CDC42BPB: variants seen among roughly 807,000 people sequenced by gnomAD.
CDC42BPB encodes CDC42 binding protein kinase beta.
Under a neutral mutation model 214.9 loss-of-function variants are expected in CDC42BPB, and 37 were observed. The ratio of observed to expected loss-of-function variants is 0.17; its 90% CI spans 0.13 to 0.23. CDC42BPB has a LOEUF of 0.23. Ranked by LOEUF, CDC42BPB falls within the 10% of genes least tolerant of loss-of-function variation. The pLI is 1.00. For synonymous variants in CDC42BPB, 931 were observed against 884.0 expected (o/e 1.05, Z -0.94); for missense variants, 1,694 against 2,227.0 (o/e 0.76, Z 4.82).
intron 1 of CDC42BPB, among the ~76,000 whole-genome samples, chr14:103,040,183 T>C (rs1213832332): frequency 6.6e-6 from 1 of 152,072 alleles, no homozygotes; most frequent in East Asian, 2.0e-4. Flanking sequence ...GGTGAAACCC[T>C]GTCTGTACTA....
chr14:102,944,492 G>A lies in CDC42BPB; in HGVS notation c.3812-5C>T. The A allele has an allele frequency of 6.2e-7, 1 of 1,607,964 alleles. No individual in the cohort carries two copies. The highest frequency in any genetic ancestry group is 8.5e-7 in the Non-Finnish European group (1 of 1,176,458). On this transcript the variant is annotated splice_region_variant and splice_polypyrimidine_tract_variant and intron_variant, in intron 29 of 36. Coordinates refer to ENST00000361246, the MANE Select transcript of CDC42BPB (RefSeq NM_006035.4). This position sits in a 1 kb window ranked among gnomAD's most constrained non-coding sequence, Gnocchi z 6.6. Reference sequence around the variant, plus strand: ...AGTCAGCGGCACGGACGATCACTGTGGCAAGGAGGACAAGAGCGTGAGGCC... The same window carrying A: ...AGTCAGCGGCACGGACGATCACTGTAGCAAGGAGGACAAGAGCGTGAGGCC...
At chr14:103,019,557 C>T (rs1280024961) in intron 1 of CDC42BPB, among the ~76,000 whole-genome samples, 2 of 152,218 alleles carry the variant, frequency 1.3e-5, no homozygotes, top group Non-Finnish European at 2.9e-5. Context: ...AGCACAGCTG[C>T]CTGTGTCTAT....
intron 1 of CDC42BPB, among the ~76,000 whole-genome samples, chr14:103,049,556 C>T (rs1450831961): frequency 1.3e-5 from 2 of 152,188 alleles, no homozygotes; most frequent in African/African-American, 2.4e-5. Flanking sequence ...AGTTGGAGCG[C>T]GGAGCAAGCG....
intron 18 of CDC42BPB, 29 bp downstream of exon 18, chr14:102,966,253 T>C (rs780373316): frequency 7.5e-6 from 11 of 1,474,666 alleles, no homozygotes; most frequent in East Asian, 2.3e-5. Flanking sequence ...TATTCAGTAA[T>C]AGAAATGCAG....
chr14:102,962,980 T>G (rs1435206255), intron 20 of CDC42BPB, 81 bp downstream of exon 20: 2 of 703,494 alleles, frequency 2.8e-6, no homozygotes, highest in Admixed American at 2.6e-5. Flanking sequence ...AAAGTAACTA[T>G]TAAGTCGAAA....
chr14:102,971,648 A>G (rs1893478345), intron 13 of CDC42BPB, among the ~76,000 whole-genome samples: 1 of 152,240 alleles, frequency 6.6e-6, no homozygotes, highest in African/African-American at 2.4e-5. Context: ...TCTTATTCAC[A>G]TAAGCCAGGC....
At chr14:102,957,024 CAAAAAAAAA>C (rs1183767118) in intron 21 of CDC42BPB, among the ~76,000 whole-genome samples, 4 of 48,190 alleles carry the variant, frequency 8.3e-5, no homozygotes, top group East Asian at 6.9e-4. Context: ...ACTAAAAATA[CAAAAAAAAA>C]AAAAAAAAAA....
At chr14:102,973,212 G>C (rs1214172145) in intron 12 of CDC42BPB, among the ~76,000 whole-genome samples, 2 of 152,212 alleles carry the variant, frequency 1.3e-5, no homozygotes, top group Non-Finnish European at 2.9e-5. Context: ...CAAGCAATGA[G>C]ATGCCATGTG....
chr14:102,944,570 C>T lies in CDC42BPB; in HGVS notation c.3812-83G>A. ...CTGACGGCCTTGGCTAAAGACTTGCCTGGAACACTCTGGGGCCCTCCCCTG... is the reference window on the plus strand; with the variant it reads ...CTGACGGCCTTGGCTAAAGACTTGCTTGGAACACTCTGGGGCCCTCCCCTG... On this transcript the variant is annotated intron_variant, in intron 29 of 36. Transcript: ENST00000361246. The surrounding 1 kb of genome is among the most constrained non-coding windows in gnomAD (Gnocchi z 6.6). 2 of 1,530,248 alleles carry T rather than the reference C, an allele frequency of 1.3e-6. No homozygotes were observed. The highest frequency in any genetic ancestry group is 4.6e-5 in the East Asian group (2 of 43,616). The allele number at this position is 1,530,248 out of a possible 1,614,324, so 94.8% of individuals were successfully genotyped here. A position where few individuals can be genotyped will look rare whatever the true frequency, so the allele number is the denominator to read the frequency against.
chr14:102,935,013 C>CAAAAAAA (rs35596449), intron 36 of CDC42BPB, among the ~76,000 whole-genome samples: 3 of 71,338 alleles, frequency 4.2e-5, no homozygotes, highest in African/African-American at 1.5e-4. Context: ...GACTCTGTCT[C>CAAAAAAA]AAAAAAAAAA....
chr14:103,011,247 G>A (rs1447931553), intron 2 of CDC42BPB, among the ~76,000 whole-genome samples: 3 of 152,216 alleles, frequency 2.0e-5, no homozygotes, highest in Non-Finnish European at 4.4e-5. Context: ...CAAGGGACCT[G>A]GTGAGCCTCT....
chr14:102,941,534 G>C (rs1385843350), intron 30 of CDC42BPB: 2 of 985,350 alleles, frequency 2.0e-6, no homozygotes, highest in Admixed American at 1.2e-4. Flanking sequence ...AGCAGCCCCA[G>C]ACACTGCCCT....
At chr14:102,973,621 G>C (rs1893586691) in intron 12 of CDC42BPB, among the ~76,000 whole-genome samples, 1 of 152,108 alleles carries the variant, frequency 6.6e-6, no homozygotes, top group Non-Finnish European at 1.5e-5. Flanking sequence ...CCTATGCACA[G>C]CCACCATGCC....
At chr14:103,018,605 C>T (rs2139663537) in intron 1 of CDC42BPB, among the ~76,000 whole-genome samples, 1 of 152,270 alleles carries the variant, frequency 6.6e-6, no homozygotes, top group African/African-American at 2.4e-5. Context: ...AGGTTTCTAG[C>T]CACAGCAGCT....
rs1192621402 is a variant in CDC42BPB at position 102,943,718 on chromosome 14, G to A, written c.4408+173C>T. On this transcript the variant is annotated intron_variant, in intron 30 of 36. Coordinates refer to ENST00000361246, the MANE Select transcript of CDC42BPB (RefSeq NM_006035.4). The surrounding 1 kb of genome is among the most constrained non-coding windows in gnomAD (Gnocchi z 4.6). ...AGCCCGCCTACTGCTGGTCTGAGAC[G>A]TGAGATCTGAACCATGCTCTCTGCT... 5.0e-6 allele frequency: 3 copies of A among 605,740 alleles called. No individual in the cohort carries two copies. Among genetic ancestry groups the A allele is most frequent in the African/African-American group, 1.9e-5 (1 of 53,934 alleles). 37.5% of individuals were successfully genotyped at this position (605,740 alleles called of 1,614,324 possible).
chr14:103,055,400 GC>G (rs1397545471), intron 1 of CDC42BPB, among the ~76,000 whole-genome samples: 2 of 152,182 alleles, frequency 1.3e-5, no homozygotes, highest in Non-Finnish European at 2.9e-5. Flanking sequence ...TCCAGCCTAG[GC>G]AACACAGTGA....
In CDC42BPB at chr14:103,057,416, G is replaced by T; in HGVS notation, c.-243C>A. 1.4e-6 allele frequency: 1 copy of T among 729,274 alleles called. No individual in the cohort carries two copies. Among genetic ancestry groups the T allele is most frequent in the Non-Finnish European group, 1.7e-6 (1 of 597,288 alleles). 45.2% of individuals were successfully genotyped at this position (729,274 alleles called of 1,614,324 possible). ...CCGCTCTCCTCCCCTCGGCGCCGCC[G>T]CCCTCCCAGCTCGGGCGGCCCGCCC... is the stretch of plus-strand genomic sequence containing the variant. On this transcript the variant is annotated 5_prime_UTR_variant, in exon 1 of 37. Transcript: ENST00000361246.
intron 26 of CDC42BPB, among the ~76,000 whole-genome samples, chr14:102,949,224 A>G (rs1416077190): frequency 3.9e-5 from 6 of 152,174 alleles, no homozygotes; most frequent in Non-Finnish European, 8.8e-5. Context: ...TCTCACTAAC[A>G]GATGAGCCAC....
intron 1 of CDC42BPB, among the ~76,000 whole-genome samples, chr14:103,035,469 AG>A (rs1263475958): frequency 6.6e-6 from 1 of 152,064 alleles, no homozygotes; most frequent in Non-Finnish European, 1.5e-5. Context: ...CCTGCCAGGC[AG>A]GAGGATCACT....
Sources: gnomAD v4.1 joint callset for allele counts (sites outside exome capture counted in the v4.1 genomes callset) on GRCh38, gnomAD v4.1.1 for gene constraint, Gnocchi (gnomAD v3.1) non-coding constraint, MANE v1.5 for transcripts, NCBI Gene and HGNC (gene_info 2026-07-23, HGNC 2026-07-21) for gene names.